Variants in ST6GALNAC6 observed in about 807,000 individuals in gnomAD.
ST6GALNAC6 encodes the protein alpha-N-acetylgalactosaminide alpha-2,6-sialyltransferase 6.
ST6GALNAC6 carries 19 observed loss-of-function variants against 34.3 expected under a neutral mutation model. That is an observed-to-expected ratio of 0.55 (90% CI 0.39 to 0.81). The LOEUF is 0.81. Ranked by LOEUF, ST6GALNAC6 falls within the 40% of genes least tolerant of loss-of-function variation. ST6GALNAC6 has a pLI of 0.00. For synonymous variants in ST6GALNAC6, 185 were observed against 182.1 expected (o/e 1.02, Z -0.13); for missense variants, 377 against 467.7 (o/e 0.81, Z 1.79).
chr9:127,902,887 C>T (rs1379104022), upstream of ST6GALNAC6: 1 of 150,734 alleles, frequency 6.6e-6, no homozygotes, highest in African/African-American at 2.4e-5. Flanking sequence ...CCGCACCCAG[C>T]CCACACAATT....
intron 2 of ST6GALNAC6, chr9:127,897,746 AG>A: frequency 8.0e-7 from 1 of 1,246,888 alleles, no homozygotes; most frequent in Non-Finnish European, 1.1e-6. Flanking sequence ...CAAGGCGCCC[AG>A]GGGTCCAGCC....
intron 2 of ST6GALNAC6, 101 bp downstream of exon 2, chr9:127,897,855 C>T (rs1362237527): frequency 6.9e-6 from 11 of 1,593,590 alleles, no homozygotes; most frequent in Admixed American, 6.7e-5. Context: ...TCAGCCAGGA[C>T]CACCGTCCCC....
intron 1 of ST6GALNAC6, among the ~76,000 whole-genome samples, chr9:127,898,497 T>C (rs1564493405): frequency 6.6e-6 from 1 of 152,250 alleles, no homozygotes; most frequent in Non-Finnish European, 1.5e-5. Flanking sequence ...GGTTAATCAC[T>C]GTTCAAGGCC....
chr9:127,905,074 G>T, intron 1 of ST6GALNAC6: 1 of 361,652 alleles, frequency 2.8e-6, no homozygotes, highest in Non-Finnish European at 3.8e-6. Context: ...CTTGGAGGAA[G>T]TAGGGTAGGT....
intron 6 of ST6GALNAC6, among the ~76,000 whole-genome samples, 157 bp downstream of exon 6, chr9:127,887,327 G>A (rs1829835896): frequency 6.6e-6 from 1 of 152,108 alleles, no homozygotes; most frequent in African/African-American, 2.4e-5. Flanking sequence ...GGCCCCTGAG[G>A]AAGGAGAAGA....
intron 3 of ST6GALNAC6, 139 bp downstream of exon 3, chr9:127,896,103 T>C: frequency 1.0e-6 from 1 of 986,260 alleles, no homozygotes; most frequent in Non-Finnish European, 1.6e-6. Context: ...GGCTTAAATC[T>C]GGGCCTCCCA....
At chr9:127,887,654 G>A in intron 5 of ST6GALNAC6, 63 bp from the exon 6 acceptor site, 1 of 1,388,834 alleles carries the variant, frequency 7.2e-7, no homozygotes, top group Non-Finnish European at 1.0e-6. Flanking sequence ...AGGTGACCCA[G>A]GGTCACCCAC....
At chr9:127,887,287 T>C (rs927713666) in intron 6 of ST6GALNAC6, among the ~76,000 whole-genome samples, 197 bp downstream of exon 6, 1 of 152,088 alleles carries the variant, frequency 6.6e-6, no homozygotes, top group Non-Finnish European at 1.5e-5. Flanking sequence ...TTATTATTAA[T>C]AAATAAACTC....
Position 127,886,377 on chromosome 9 carries a change from CAAGA to C in ST6GALNAC6, c.*218_*221del, listed in dbSNP as rs1829753033. 5.8e-6 allele frequency: 8 copies of C among 1,381,986 alleles called. No homozygotes were observed. The highest frequency in any genetic ancestry group is 7.6e-6 in the Non-Finnish European group (8 of 1,050,674). The allele number at this position is 1,381,986 out of a possible 1,614,324, so 85.6% of individuals were successfully genotyped here. A position where few individuals can be genotyped will look rare whatever the true frequency, so the allele number is the denominator to read the frequency against. On this transcript the variant is annotated 3_prime_UTR_variant, in exon 7 of 7. Transcript: ENST00000373146. ...TGACTGTGCGCAGACCCTGACTGCACAAGAAAGACACCCCTGATTAACCGCATAG... is the reference window on the plus strand; with the variant it reads ...TGACTGTGCGCAGACCCTGACTGCACAAGACACCCCTGATTAACCGCATAG...
chr9:127,905,363 C>T, upstream of ST6GALNAC6: 2 of 985,650 alleles, frequency 2.0e-6, no homozygotes, highest in Non-Finnish European at 2.4e-6. Flanking sequence ...CCTGCCAGGT[C>T]ACCACCCCCA....
In ST6GALNAC6 at chr9:127,890,513, C is replaced by T; in HGVS notation, c.704+124G>A. 7.1e-7 allele frequency: 1 copy of T among 1,405,680 alleles called. No individual in the cohort carries two copies. Among genetic ancestry groups the T allele is most frequent in the South Asian group, 1.4e-5 (1 of 73,232 alleles). The allele number at this position is 1,405,680 out of a possible 1,614,324, so 87.1% of individuals were successfully genotyped here. A position where few individuals can be genotyped will look rare whatever the true frequency, so the allele number is the denominator to read the frequency against. On this transcript the variant is annotated intron_variant, in intron 5 of 6. Transcript: ENST00000373146. The surrounding 1 kb of genome is among the most constrained non-coding windows in gnomAD (Gnocchi z 4.3). ...AGAGAACTCTCCTAGGAGGCCCAAC[C>T]AGAGGACGGCGGGACTTGACTACCC...
upstream of ST6GALNAC6, among the ~76,000 whole-genome samples, chr9:127,900,541 CAAG>C: frequency 1.2e-5 from 1 of 82,474 alleles, no homozygotes; most frequent in Non-Finnish European, 2.1e-5. Context: ...GCCTGGGCAA[CAAG>C]AGCGAAACTC....
At position 127,887,548 on chromosome 9, in the gene ST6GALNAC6, C is replaced by A. The variant is rs1480689099; in HGVS notation, c.748G>T (p.Val250Leu). Reference sequence around the variant, plus strand: ...TGGTCACACAACTCCACCGCGATCACCATGGTAAACCAGCCTGTGCTCAAC... The same window carrying A: ...TGGTCACACAACTCCACCGCGATCAACATGGTAAACCAGCCTGTGCTCAAC... Reference protein sequence around the residue: ...SWLSTGWFTMVIAVELCDHVH... With the variant: ...SWLSTGWFTMLIAVELCDHVH... Residue 250 changes from valine (V) to leucine (L), a missense_variant, in exon 6 of 7, where the codon GTG becomes TTG. Transcript: ENST00000373146. The A allele has an allele frequency of 1.9e-6, 3 of 1,612,754 alleles. No individual in the cohort carries two copies. The Admixed American group carries it at 5.0e-5, about 27-fold the overall frequency.
Position 127,886,406 on chromosome 9 carries a change from G to A in ST6GALNAC6, c.*193C>T, listed in dbSNP as rs991469547. 2.0e-5 allele frequency: 29 copies of A among 1,431,160 alleles called. No individual in the cohort carries two copies. The highest frequency in any genetic ancestry group is 3.6e-4 in the Middle Eastern group (2 of 5,498). The allele number at this position is 1,431,160 out of a possible 1,614,324, so 88.7% of individuals were successfully genotyped here. ...AAAGACACCCCTGATTAACCGCATA[G>A]ACTCCCAAATCCCTGATTCGCCAAC... On this transcript the variant is annotated 3_prime_UTR_variant, in exon 7 of 7. Coordinates refer to ENST00000373146, the MANE Select transcript of ST6GALNAC6 (RefSeq NM_013443.5).
At position 127,894,599 on chromosome 9, in the gene ST6GALNAC6, G is replaced by A. The variant is rs756006245; in HGVS notation, c.210C>T (p.Tyr70=). Residue 70 remains tyrosine (Y), a synonymous_variant, in exon 4 of 7, where the codon TAC becomes TAT. Transcript: ENST00000373146. ...GGCGGCTACGGCCCCGCAGGGAGCC[G>A]TAATGGAAGACCTCATTGGCACTGT... is the stretch of plus-strand genomic sequence containing the variant. ...SSNSANEVFH[Y]GSLRGRSRRP... 22 of 1,614,208 alleles carry A rather than the reference G, an allele frequency of 1.4e-5. No homozygotes were observed. The highest frequency in any genetic ancestry group is 4.5e-5 in the East Asian group (2 of 44,882).
intron 2 of ST6GALNAC6, among the ~76,000 whole-genome samples, chr9:127,896,593 C>T (rs1329329261): frequency 6.6e-6 from 1 of 152,224 alleles, no homozygotes; most frequent in Non-Finnish European, 1.5e-5. Flanking sequence ...GCTGGCAGGG[C>T]CAAAGCTGGC....
Position 127,890,806 on chromosome 9 carries a change from C to A in ST6GALNAC6, c.535G>T (p.Val179Leu), listed in dbSNP as rs371684337. 1 of 1,613,458 alleles carries A rather than the reference C, an allele frequency of 6.2e-7. No individual in the cohort carries two copies. Among genetic ancestry groups the A allele is most frequent in the Non-Finnish European group, 8.5e-7 (1 of 1,179,526 alleles). The change falls in exon 5 of 7, where the codon GTG becomes TTG. Residue 179 changes from valine (V) to leucine (L), a missense_variant. Transcript: ENST00000373146. This position sits in a 1 kb window ranked among gnomAD's most constrained non-coding sequence, Gnocchi z 4.3. ...CTCGGGGGCCCCCAGAAGATGAACA[C>A]GGTTTCAGGGGTCCGGTTGACAAAC... ...QEFVNRTPET[V>L]FIFWGPPSKM...
At chr9:127,905,188 G>GCTC in intron 1 of ST6GALNAC6, 13 of 981,594 alleles carry the variant, frequency 1.3e-5, no homozygotes, top group Non-Finnish European at 1.6e-5. Context: ...CTGTGGGGAG[G>GCTC]CTCCTGCCCT....
intron 3 of ST6GALNAC6, among the ~76,000 whole-genome samples, chr9:127,895,910 C>A (rs139769186): frequency 6.6e-6 from 1 of 152,188 alleles, no homozygotes; most frequent in African/African-American, 2.4e-5. Flanking sequence ...TGCACCCTTG[C>A]CCCATTTCCC....
Sources: gnomAD v4.1 joint callset for allele counts (sites outside exome capture counted in the v4.1 genomes callset) on GRCh38, gnomAD v4.1.1 for gene constraint, Gnocchi (gnomAD v3.1) non-coding constraint, MANE v1.5 for transcripts, NCBI Gene and HGNC (gene_info 2026-07-23, HGNC 2026-07-21) for gene names.